The following RGS5 variants were observed in gnomAD, a reference collection of about 807,000 sequenced individuals.
RGS5 encodes the protein regulator of G protein signaling 5.
A neutral mutation model predicts 18.9 loss-of-function variants in RGS5; 20 were observed. The observed-to-expected ratio is 1.06, with a 90% CI of 0.74 to 1.54. RGS5 has a LOEUF of 1.54. Ranked by LOEUF, RGS5 falls within the 40% of genes most tolerant of loss-of-function variation. The pLI, the probability that RGS5 is intolerant of heterozygous loss-of-function variation, is 0.00. For synonymous variants in RGS5, 57 were observed against 76.2 expected, an observed-to-expected ratio of 0.75 and a Z score of 1.31; for missense variants, 201 against 211.8, an observed-to-expected ratio of 0.95 and a Z score of 0.32.
chr1:163,264,735 A>C (rs544939667), intron 2 of RGS5, among the ~76,000 whole-genome samples: 2 of 152,130 alleles, frequency 1.3e-5, no homozygotes, highest in Non-Finnish European at 2.9e-5. Context: ...ATGATCTCCT[A>C]TCCTTAGAGT....
In RGS5 at chr1:163,165,070, G is replaced by C. The variant is rs532864503; in HGVS notation, c.156-3094C>G. 3.9e-5 allele frequency among the ~76,000 whole-genome samples: 6 copies of C among 152,204 alleles called. No individual in the cohort carries two copies. The East Asian group carries it at 1.2e-3, about 29-fold the overall frequency. On this transcript the variant is annotated intron_variant, in intron 2 of 4. Transcript: ENST00000313961. ...TACCTGATAACCAGTGGTGACCTGG[G>C]CATCACGGTTGGGCATACAGACTTA...
At chr1:163,151,277 A>G (rs551055263) in intron 4 of RGS5, among the ~76,000 whole-genome samples, 96 of 152,300 alleles carry the variant, frequency 6.3e-4, no homozygotes, top group African/African-American at 1.1e-3. Context: ...TAAATATACC[A>G]TTGTCCCAAG....
intron 3 of RGS5, 30 bp from the exon 4 acceptor site, chr1:163,152,746 A>C (rs1657424407): frequency 7.2e-6 from 11 of 1,537,534 alleles, no homozygotes; most frequent in Non-Finnish European, 9.6e-6. Flanking sequence ...CAGCTGGAGA[A>C]ATTTATTAAT....
chr1:163,164,600 AC>A (rs1657964123), intron 2 of RGS5, among the ~76,000 whole-genome samples: 1 of 152,178 alleles, frequency 6.6e-6, no homozygotes, highest in African/African-American at 2.4e-5. Context: ...CCTGTGGTGT[AC>A]CCTTACAGCA....
At chr1:163,278,403 A>T (rs2101716840) in intron 2 of RGS5, among the ~76,000 whole-genome samples, 1 of 152,266 alleles carries the variant, frequency 6.6e-6, no homozygotes, top group African/African-American at 2.4e-5. Flanking sequence ...TGGAGAAATA[A>T]AATTTTTCTC....
At chr1:163,271,163 C>T (rs1648707408) in intron 2 of RGS5, among the ~76,000 whole-genome samples, 1 of 152,114 alleles carries the variant, frequency 6.6e-6, no homozygotes, top group Non-Finnish European at 1.5e-5. Context: ...TTTGCCTTTA[C>T]TGGCCATTTT....
intron 3 of RGS5, 137 bp from the exon 4 acceptor site, chr1:163,152,853 T>G (rs902216966): frequency 1.5e-6 from 1 of 676,178 alleles, no homozygotes; most frequent in South Asian, 2.8e-5. Context: ...TAGCTTCCTT[T>G]ACTCCTTCAT....
chr1:163,179,415 A>C (rs988038760), intron 1 of RGS5, among the ~76,000 whole-genome samples: 3 of 152,258 alleles, frequency 2.0e-5, no homozygotes, highest in Non-Finnish European at 4.4e-5. Context: ...ATGGTACTCC[A>C]TAAGTGGCAA....
At chr1:163,313,409 TGA>T (rs750051066) in intron 1 of RGS5, among the ~76,000 whole-genome samples, 2 of 152,094 alleles carry the variant, frequency 1.3e-5, no homozygotes, top group Non-Finnish European at 2.9e-5. Context: ...GGAAGAAAAC[TGA>T]GAGAGAACTT....
intron 1 of RGS5, chr1:163,172,668 T>C (rs1571237949): frequency 6.6e-7 from 1 of 1,505,500 alleles, no homozygotes; most frequent in South Asian, 1.2e-5. Context: ...TCTGGCTTGG[T>C]ATAGGCTCAA....
At chr1:163,208,518 TAAA>T (rs55700806) in intron 1 of RGS5, among the ~76,000 whole-genome samples, 4 of 14,464 alleles carry the variant, frequency 2.8e-4, no homozygotes, top group African/African-American at 1.1e-3. Flanking sequence ...CCACCTCCAT[TAAA>T]AAAAAAAAAA....
chr1:163,152,754 A>T (rs372166061), intron 3 of RGS5, 38 bp from the exon 4 acceptor site: 2 of 1,525,236 alleles, frequency 1.3e-6, no homozygotes, highest in African/African-American at 2.8e-5. Context: ...GAAATTTATT[A>T]ATTTACTTAA....
chr1:163,282,388 C>T (rs1649016698), intron 2 of RGS5, among the ~76,000 whole-genome samples: 1 of 152,046 alleles, frequency 6.6e-6, no homozygotes, highest in South Asian at 2.1e-4. Context: ...GATATCATCT[C>T]CCCCCAGTTA....
intron 2 of RGS5, 24 bp from the exon 3 acceptor site, chr1:163,162,000 A>G: frequency 6.3e-7 from 1 of 1,586,268 alleles, no homozygotes; most frequent in Non-Finnish European, 8.7e-7. Context: ...AAGGAGAGAA[A>G]AGGGGTATGG....
chr1:163,203,375 T>A (rs963455781), upstream of RGS5, among the ~76,000 whole-genome samples: 1 of 152,110 alleles, frequency 6.6e-6, no homozygotes, highest in Admixed American at 6.5e-5. Context: ...ACTTACCAAG[T>A]GCCAGGCACT....
chr1:163,304,413 G>C (rs41272007), intron 2 of RGS5: 3 of 152,104 alleles, frequency 2.0e-5, no homozygotes, highest in African/African-American at 7.3e-5. Context: ...AAAACAGCTC[G>C]AGAAACTAAT....
At chr1:163,249,943 T>C (rs1372132756) in intron 2 of RGS5, among the ~76,000 whole-genome samples, 1 of 152,256 alleles carries the variant, frequency 6.6e-6, no homozygotes, top group Non-Finnish European at 1.5e-5. Flanking sequence ...TATCTTTCTC[T>C]GCCTTCTCTC....
At chr1:163,241,834 G>A (rs1174719383) in intron 2 of RGS5, among the ~76,000 whole-genome samples, 1 of 152,174 alleles carries the variant, frequency 6.6e-6, no homozygotes, top group East Asian at 1.9e-4. Flanking sequence ...ACGAAGTGTT[G>A]GCCAGTGGCT....
chr1:163,203,164 T>C (rs1054652552), upstream of RGS5: 5 of 202,682 alleles, frequency 2.5e-5, no homozygotes, highest in Non-Finnish European at 5.0e-5. Context: ...GCACAGGTCA[T>C]TGGTTGTTTG....
Sources: allele counts gnomAD v4.1 joint callset (sites outside exome capture counted in the v4.1 genomes callset), GRCh38; gene constraint gnomAD v4.1.1; transcripts MANE v1.5; gene names NCBI Gene and HGNC (gene_info 2026-07-23, HGNC 2026-07-21).